ERBB4: variants seen among roughly 807,000 people sequenced by gnomAD.
The protein encoded by ERBB4 is receptor tyrosine-protein kinase erbB-4.
Under a neutral mutation model 158.0 loss-of-function variants are expected in ERBB4, and 42 were observed. The observed-to-expected ratio is 0.27, with a 90% CI of 0.21 to 0.34. The LOEUF is 0.34. ERBB4 is among the 10% of genes least tolerant of loss of function. The probability of loss-of-function intolerance (pLI) is 1.00; values close to 1 mark genes in which losing one functional copy is unlikely to be tolerated. For synonymous variants in ERBB4, 583 were observed against 558.7 expected (o/e 1.04, Z -0.61); for missense variants, 1,333 against 1,624.1 (o/e 0.82, Z 3.08).
At chr2:211,843,724 T>C (rs1209577223) in intron 3 of ERBB4, among the ~76,000 whole-genome samples, 1 of 143,518 alleles carries the variant, frequency 7.0e-6, no homozygotes, top group Non-Finnish European at 1.6e-5. Flanking sequence ...TAATGAGCTT[T>C]CATTGTTTTA....
chr2:212,163,677 C>T (rs2081267323), intron 1 of ERBB4, among the ~76,000 whole-genome samples: 2 of 151,994 alleles, frequency 1.3e-5, no homozygotes, highest in South Asian at 4.1e-4. Context: ...GGAGTTCTAC[C>T]ATTAAAAGCC....
At chr2:211,525,797 A>G (rs1489252894) in intron 20 of ERBB4, among the ~76,000 whole-genome samples, 1 of 152,068 alleles carries the variant, frequency 6.6e-6, no homozygotes. Flanking sequence ...AACATCAGCG[A>G]GAGTCTGGCA....
At chr2:212,118,790 A>AAT (rs989083848) in intron 2 of ERBB4, among the ~76,000 whole-genome samples, 10 of 152,174 alleles carry the variant, frequency 6.6e-5, no homozygotes, top group Non-Finnish European at 8.8e-5. Context: ...AGCTCTGCCA[A>AAT]ATATATATAA....
chr2:212,067,341 GTGA>G (rs2077975636), intron 2 of ERBB4, among the ~76,000 whole-genome samples: 1 of 152,040 alleles, frequency 6.6e-6, no homozygotes, highest in Non-Finnish European at 1.5e-5. Flanking sequence ...AGAAATGAGA[GTGA>G]TGATAGAGAA....
At chr2:211,882,299 G>C (rs1400766391) in intron 3 of ERBB4, among the ~76,000 whole-genome samples, 1 of 152,076 alleles carries the variant, frequency 6.6e-6, no homozygotes, top group Non-Finnish European at 1.5e-5. Flanking sequence ...GGTTCTTTAG[G>C]GCTGGACTAA....
intron 12 of ERBB4, among the ~76,000 whole-genome samples, chr2:211,697,836 TA>T (rs2073081476): frequency 6.6e-6 from 1 of 152,196 alleles, no homozygotes; most frequent in Admixed American, 6.5e-5. Flanking sequence ...AGAAAATTTT[TA>T]TGTAGCGTCA....
chr2:212,455,616 T>C (rs184720072), intron 1 of ERBB4, among the ~76,000 whole-genome samples: 5 of 152,144 alleles, frequency 3.3e-5, no homozygotes, highest in Admixed American at 2.0e-4. Context: ...TCACCAAAGA[T>C]GGAAGAGAGA....
intron 1 of ERBB4, among the ~76,000 whole-genome samples, chr2:212,509,637 G>A (rs1014402578): frequency 1.3e-5 from 2 of 151,778 alleles, no homozygotes; most frequent in African/African-American, 4.8e-5. Flanking sequence ...CTATACCTAG[G>A]CTTTGGAGTC....
At chr2:212,502,617 T>A (rs999182350) in intron 1 of ERBB4, among the ~76,000 whole-genome samples, 1 of 152,142 alleles carries the variant, frequency 6.6e-6, no homozygotes, top group Non-Finnish European at 1.5e-5. Context: ...CAAACCCAAT[T>A]CTAAGCACAC....
chr2:211,661,980 A>G (rs1194482970), intron 15 of ERBB4, among the ~76,000 whole-genome samples: 1 of 125,882 alleles, frequency 7.9e-6, no homozygotes, highest in Non-Finnish European at 1.6e-5. Flanking sequence ...CGGAGCTTGC[A>G]GTGAGCCGAG....
At chr2:211,617,642 C>A (rs1208840720) in intron 19 of ERBB4, among the ~76,000 whole-genome samples, 2 of 151,924 alleles carry the variant, frequency 1.3e-5, no homozygotes, top group African/African-American at 2.4e-5. Context: ...ATATGAGAAC[C>A]AATAATAAGA....
At chr2:211,947,100 G>T (rs2080721124) in intron 3 of ERBB4, among the ~76,000 whole-genome samples, 1 of 152,104 alleles carries the variant, frequency 6.6e-6, no homozygotes, top group Non-Finnish European at 1.5e-5. Flanking sequence ...TCTCATTATT[G>T]CAAGGATTTG....
intron 19 of ERBB4, among the ~76,000 whole-genome samples, chr2:211,588,385 CAT>C (rs1385583710): frequency 2.6e-5 from 4 of 151,922 alleles, no homozygotes; most frequent in Non-Finnish European, 4.4e-5. Flanking sequence ...TACGAGCAAA[CAT>C]AAATGCTTGG....
intron 1 of ERBB4, among the ~76,000 whole-genome samples, chr2:212,291,493 G>A (rs1179899692): frequency 6.6e-6 from 1 of 152,146 alleles, no homozygotes; most frequent in South Asian, 2.1e-4. Context: ...ACCCATTTGT[G>A]CAAGGATGAT....
intron 1 of ERBB4, among the ~76,000 whole-genome samples, chr2:212,317,820 G>A (rs2087360775): frequency 7.8e-6 from 1 of 128,610 alleles, no homozygotes; most frequent in African/African-American, 2.6e-5. Context: ...TTCTTCCTGT[G>A]CCTGTCTACA....
intron 3 of ERBB4, among the ~76,000 whole-genome samples, chr2:211,811,107 A>C (rs1307003652): frequency 1.3e-5 from 2 of 152,258 alleles, no homozygotes; most frequent in African/African-American, 2.4e-5. Context: ...TCTTCCTAGC[A>C]TCGATGGTCT....
At chr2:212,214,206 C>T (rs1325641837) in intron 1 of ERBB4, among the ~76,000 whole-genome samples, 2 of 151,810 alleles carry the variant, frequency 1.3e-5, no homozygotes, top group African/African-American at 2.4e-5. Flanking sequence ...TGATTCAATA[C>T]ATCTTCCTGT....
chr2:212,376,887 A>G (rs577311646), intron 1 of ERBB4, among the ~76,000 whole-genome samples: 3 of 152,176 alleles, frequency 2.0e-5, no homozygotes, highest in Admixed American at 6.6e-5. Flanking sequence ...CAAAGAATGA[A>G]TAAGAAGCAG....
At chr2:212,097,079 C>A (rs2078953187) in intron 2 of ERBB4, among the ~76,000 whole-genome samples, 5 of 152,082 alleles carry the variant, frequency 3.3e-5, no homozygotes, top group Admixed American at 3.3e-4. Flanking sequence ...TTATTTAGTA[C>A]ATACAGATAA....
Sources: gnomAD v4.1 joint callset for allele counts (sites outside exome capture counted in the v4.1 genomes callset) on GRCh38, gnomAD v4.1.1 for gene constraint, MANE v1.5 for transcripts, NCBI Gene and HGNC (gene_info 2026-07-23, HGNC 2026-07-21) for gene names.